The following TRPM8 variants were observed in gnomAD, a reference collection of about 807,000 sequenced individuals.
TRPM8 encodes the protein transient receptor potential cation channel subfamily M member 8.
TRPM8 carries 110 observed loss-of-function variants against 133.7 expected under a neutral mutation model. The observed-to-expected ratio is 0.82, with a 90% CI of 0.70 to 0.96. TRPM8 has a LOEUF of 0.96. Ranked by LOEUF, TRPM8 falls within the 40% of genes least tolerant of loss-of-function variation. TRPM8 has a pLI of 0.00. For missense variants in TRPM8, 1,291 were observed against 1,379.5 expected, an observed-to-expected ratio of 0.94 and a Z score of 1.02; for synonymous variants, 535 against 532.3, an observed-to-expected ratio of 1.01 and a Z score of -0.07.
At chr2:233,930,533 AATGCTGG>A in intron 2 of TRPM8, 128 bp from the exon 3 acceptor site, 1 of 596,294 alleles carries the variant, frequency 1.7e-6, no homozygotes, top group Non-Finnish European at 2.8e-6. Flanking sequence ...GGCATGAACA[AATGCTGG>A]ATGCTATGAA....
intron 21 of TRPM8, among the ~76,000 whole-genome samples, chr2:233,995,960 A>G (rs1692390953): frequency 6.6e-6 from 1 of 152,144 alleles, no homozygotes; most frequent in South Asian, 2.1e-4. Flanking sequence ...GAGGGCCACC[A>G]TGCTAGTCCC....
chr2:233,954,679 A>G (rs1039783657), intron 10 of TRPM8, among the ~76,000 whole-genome samples: 9 of 152,246 alleles, frequency 5.9e-5, no homozygotes, highest in African/African-American at 2.2e-4. Context: ...ACATTTGGTT[A>G]TAAAGGTATT....
intron 6 of TRPM8, among the ~76,000 whole-genome samples, chr2:233,944,382 A>G (rs987122314): frequency 6.6e-6 from 1 of 152,210 alleles, no homozygotes; most frequent in African/African-American, 2.4e-5. Context: ...GATGCAGTGC[A>G]TATGTTAATT....
chr2:233,981,730 T>C (rs777784854), intron 18 of TRPM8, 44 bp from the exon 19 acceptor site: 14 of 1,553,666 alleles, frequency 9.0e-6, no homozygotes, highest in Non-Finnish European at 8.7e-7. Context: ...CTTTGGAATG[T>C]TTTGTCAATA....
At chr2:233,996,595 C>T in intron 22 of TRPM8, 79 bp downstream of exon 22, 2 of 1,299,864 alleles carry the variant, frequency 1.5e-6, no homozygotes, top group East Asian at 4.6e-5. Context: ...TGTATCTCAA[C>T]AGGAAGGAAT....
intron 16 of TRPM8, 48 bp from the exon 17 acceptor site, chr2:233,970,162 G>C (rs191533937): frequency 2.0e-5 from 31 of 1,519,836 alleles, no homozygotes; most frequent in Non-Finnish European, 2.5e-5. Context: ...GGCTGTGCCC[G>C]TCCCATGCTT....
intron 3 of TRPM8, among the ~76,000 whole-genome samples, chr2:233,932,998 A>G (rs959895634): frequency 1.3e-5 from 2 of 150,254 alleles, no homozygotes; most frequent in African/African-American, 2.5e-5. Flanking sequence ...TTGCCTCTCT[A>G]CTCTAACTTC....
intron 21 of TRPM8, among the ~76,000 whole-genome samples, chr2:233,994,039 C>T (rs1418889348): frequency 6.6e-6 from 1 of 152,144 alleles, no homozygotes; most frequent in African/African-American, 2.4e-5. Flanking sequence ...TCACATTCAT[C>T]TCTTCTTATT....
intron 11 of TRPM8, among the ~76,000 whole-genome samples, chr2:233,960,260 G>T (rs1005475061): frequency 3.3e-5 from 5 of 152,186 alleles, no homozygotes; most frequent in African/African-American, 1.2e-4. Context: ...ATTTGAGAAT[G>T]CAGTCACCAT....
At chr2:233,973,895 C>T (rs970557604) in intron 17 of TRPM8, among the ~76,000 whole-genome samples, 20 of 152,334 alleles carry the variant, frequency 1.3e-4, no homozygotes, top group African/African-American at 4.1e-4. Flanking sequence ...CCTGGAGCCA[C>T]GGTGCGGGAG....
At chr2:234,008,300 A>T (rs895452113) in intron 24 of TRPM8, among the ~76,000 whole-genome samples, 197 bp downstream of exon 24, 3 of 152,168 alleles carry the variant, frequency 2.0e-5, no homozygotes, top group South Asian at 2.1e-4. Context: ...TTGAAGTCCC[A>T]CTTCCATGAT....
intron 22 of TRPM8, among the ~76,000 whole-genome samples, chr2:233,997,509 C>T (rs1271628535): frequency 1.3e-5 from 2 of 152,144 alleles, no homozygotes; most frequent in Non-Finnish European, 2.9e-5. Context: ...AAAGCCTTTT[C>T]TTAGTGATGC....
chr2:233,961,950 G>A (rs543179024), intron 12 of TRPM8, among the ~76,000 whole-genome samples: 1 of 152,282 alleles, frequency 6.6e-6, no homozygotes, highest in East Asian at 1.9e-4. Flanking sequence ...TAATTGCAGA[G>A]CTTAGTGTGG....
rs201464095 is a variant in TRPM8 at position 233,960,890 on chromosome 2, C to G, written c.1477C>G (p.Leu493Val). 1 of 1,614,210 alleles carries G rather than the reference C, an allele frequency of 6.2e-7. No individual in the cohort carries two copies. The highest frequency in any genetic ancestry group is 8.5e-7 in the Non-Finnish European group (1 of 1,180,044). Residue 493 changes from leucine to valine, a missense_variant, in exon 12 of 26, where the codon CTC (leucine) becomes GTC (valine). Physicochemically the swap from Leu to Val is conservative, Grantham distance 32 (BLOSUM62 1). Coordinates refer to ENST00000324695, the MANE Select transcript of TRPM8 (RefSeq NM_024080.5). ...NLRKFLTHDV[L>V]TELFSNHFST... ...ACGGAAGTTTCTCACCCATGATGTC[C>G]TCACTGAACTCTTCTCCAACCACTT...
intron 24 of TRPM8, among the ~76,000 whole-genome samples, chr2:234,008,890 GTTTA>G (rs543158144): frequency 2.6e-4 from 40 of 152,298 alleles, no homozygotes; most frequent in African/African-American, 9.4e-4. Context: ...ACAGTTTCTT[GTTTA>G]TTTATTTGTG....
intron 11 of TRPM8, among the ~76,000 whole-genome samples, chr2:233,958,036 G>GC (rs1440774794): frequency 3.9e-5 from 6 of 152,200 alleles, no homozygotes; most frequent in African/African-American, 1.2e-4. Flanking sequence ...CTGGAATGCT[G>GC]ATAATATTTC....
At chr2:233,984,557 T>G (rs957710628) in intron 20 of TRPM8, among the ~76,000 whole-genome samples, 1 of 152,186 alleles carries the variant, frequency 6.6e-6, no homozygotes, top group Non-Finnish European at 1.5e-5. Context: ...TTTTGTTGAT[T>G]TTTATCTCCT....
At chr2:233,987,350 A>G (rs972222252) in intron 21 of TRPM8, among the ~76,000 whole-genome samples, 1 of 152,268 alleles carries the variant, frequency 6.6e-6, no homozygotes, top group African/African-American at 2.4e-5. Context: ...AAAATCAAAT[A>G]TATACTTCTC....
At position 233,950,126 on chromosome 2, in the gene TRPM8, A is replaced by C; in HGVS notation, c.1120A>C (p.Thr374Pro). 6.2e-7 allele frequency: 1 copy of C among 1,612,828 alleles called. No homozygotes were observed. Among genetic ancestry groups the C allele is most frequent in the Non-Finnish European group, 8.5e-7 (1 of 1,179,990 alleles). Residue 374 changes from threonine to proline, a missense_variant, in exon 9 of 26, where the codon ACT (threonine) becomes CCT (proline). Transcript: ENST00000324695. ...RTVSRLPEEE[T>P]ESWIKWLKEI... ...GGTGTCCCGGCTGCCTGAGGAGGAG[A>C]CTGAGAGTTGGATCAAATGGGTAAG...
Sources: gnomAD v4.1 joint callset for allele counts (sites outside exome capture counted in the v4.1 genomes callset) on GRCh38, gnomAD v4.1.1 for gene constraint, MANE v1.5 for transcripts, NCBI Gene and HGNC (gene_info 2026-07-23, HGNC 2026-07-21) for gene names.